The following ARHGAP12 variants were observed in gnomAD, a reference collection of about 807,000 sequenced individuals.
ARHGAP12 encodes the protein Rho GTPase activating protein 12, also known as rho GTPase-activating protein 12.
A neutral mutation model predicts 108.6 loss-of-function variants in ARHGAP12; 64 were observed. That is an observed-to-expected ratio of 0.59 (90% CI 0.48 to 0.73). ARHGAP12 has a LOEUF of 0.73. Ranked by LOEUF, ARHGAP12 falls within the 30% of genes least tolerant of loss-of-function variation. ARHGAP12 has a pLI of 0.00. For synonymous variants in ARHGAP12, 312 were observed against 337.2 expected, an observed-to-expected ratio of 0.93 and a Z score of 0.82; for missense variants, 940 against 1,005.9, an observed-to-expected ratio of 0.93 and a Z score of 0.89.
intron 3 of ARHGAP12, among the ~76,000 whole-genome samples, chr10:31,895,987 G>A (rs962864191): frequency 1.3e-5 from 2 of 151,730 alleles, no homozygotes; most frequent in Non-Finnish European, 2.9e-5. Flanking sequence ...ACTATCGCAA[G>A]CACAAAAAAC....
Position 31,807,915 on chromosome 10 carries a change from T to A in ARHGAP12, c.2367-83A>T, listed in dbSNP as rs779095272. On this transcript the variant is annotated intron_variant, in intron 19 of 19. Coordinates refer to ENST00000344936, the MANE Select transcript of ARHGAP12 (RefSeq NM_018287.7). ...AAATGGTATTATAAACCTAACAGTTTGCATTTTAAAAAGAGAAGTAATACT... is the reference window on the plus strand; with the variant it reads ...AAATGGTATTATAAACCTAACAGTTAGCATTTTAAAAAGAGAAGTAATACT... The A allele has an allele frequency of 1.1e-3, 1,236 of 1,086,030 alleles. 5 individuals carry two copies. The highest frequency in any genetic ancestry group is 1.1e-3 in the Non-Finnish European group (847 of 801,274). 67.3% of individuals were successfully genotyped at this position (1,086,030 alleles called of 1,614,324 possible). A position where few individuals can be genotyped will look rare whatever the true frequency, so the allele number is the denominator to read the frequency against.
At chr10:31,848,791 G>A (rs56408600) in intron 6 of ARHGAP12, among the ~76,000 whole-genome samples, 36,263 of 151,820 alleles carry the variant, frequency 0.24, 4,595 homozygotes, top group Non-Finnish European at 0.29. Context: ...CATTACTTTC[G>A]GCTAGGCGCG....
chr10:31,844,739 C>T (rs7091876), intron 6 of ARHGAP12, among the ~76,000 whole-genome samples: 13,519 of 150,656 alleles, frequency 0.09, 735 homozygotes, highest in Non-Finnish European at 0.12. Flanking sequence ...TCCCTAACCC[C>T]ATTGATTTGT....
intron 3 of ARHGAP12, among the ~76,000 whole-genome samples, chr10:31,881,190 T>G (rs1837942262): frequency 6.6e-6 from 1 of 151,844 alleles, no homozygotes; most frequent in Non-Finnish European, 1.5e-5. Context: ...CCACATCAGT[T>G]TTCCATCAGA....
At chr10:31,914,710 C>T (rs1839484851) in intron 1 of ARHGAP12, among the ~76,000 whole-genome samples, 1 of 152,028 alleles carries the variant, frequency 6.6e-6, no homozygotes, top group African/African-American at 2.4e-5. Flanking sequence ...ATTAGTATTG[C>T]CATAATGGAA....
intron 16 of ARHGAP12, among the ~76,000 whole-genome samples, chr10:31,810,244 C>T (rs762448677): frequency 2.0e-5 from 3 of 152,012 alleles, no homozygotes; most frequent in Non-Finnish European, 4.4e-5. Context: ...TTGACTTAAC[C>T]ATTTAAAATG....
At position 31,841,825 on chromosome 10, in the gene ARHGAP12, C is replaced by T. The variant is rs528319074; in HGVS notation, c.1296+1636G>A. On this transcript the variant is annotated intron_variant, in intron 7 of 19. Transcript: ENST00000344936. ...GTGATTACAATTCAGGTTATACACA[C>T]TTCATCCCTTATCACATATTAGCTA... Among the ~76,000 whole-genome samples the T allele has an allele frequency of 7.2e-5, 11 of 152,260 alleles. No individual in the cohort carries two copies. The South Asian group carries it at 2.3e-3, about 32-fold the overall frequency.
rs1360439689 is a variant in ARHGAP12, at chr10:31,908,654, A to T, written c.202T>A (p.Tyr68Asn). ...NSKAFYVPAQ[Y>N]VKEVTRKALM... ...GCTTTGCGCGTGACCTCCTTCACAT[A>T]CTGGGCTGGCACATAAAACGCTTTG... Residue 68 changes from tyrosine (Y) to asparagine (N), a missense_variant, in exon 3 of 20, where the codon TAT becomes AAT. Physicochemically the swap from Tyr to Asn is moderately radical, Grantham distance 143. Transcript: ENST00000344936. The T allele has an allele frequency of 6.2e-7, 1 of 1,614,140 alleles. No homozygotes were observed.
At chr10:31,919,811 AAAAAAAC>A (rs1202006942) in intron 1 of ARHGAP12, among the ~76,000 whole-genome samples, 1 of 143,060 alleles carries the variant, frequency 7.0e-6, no homozygotes, top group Non-Finnish European at 1.5e-5. Flanking sequence ...AACAAAACCA[AAAAAAAC>A]AAAAAACAAG....
Position 31,854,067 on chromosome 10 carries a change from T to G in ARHGAP12, c.1088A>C (p.Lys363Thr), listed in dbSNP as rs1296530538. 1 of 1,601,882 alleles carries G rather than the reference T, an allele frequency of 6.2e-7. No homozygotes were observed. The highest frequency in any genetic ancestry group is 1.8e-5 in the Admixed American group (1 of 57,062). The change falls in exon 5 of 20, where the codon AAG becomes ACG. Residue 363 changes from lysine to threonine, a missense_variant and splice_region_variant. Coordinates refer to ENST00000344936, the MANE Select transcript of ARHGAP12 (RefSeq NM_018287.7). ...TLYTSDYTNE[K>T]WLKHVDDQGR... is the part of the protein sequence containing the mutation. ...CTAGATGAGAAAAAAAGAATGTACC[T>G]TTTCATTAGTATAGTCACTGGTATA...
At chr10:31,920,515 T>G (rs1839758794) in intron 1 of ARHGAP12, among the ~76,000 whole-genome samples, 1 of 146,532 alleles carries the variant, frequency 6.8e-6, no homozygotes, top group Non-Finnish European at 1.5e-5. Flanking sequence ...AATGATGAAC[T>G]ATTACCAATC....
At chr10:31,925,813 T>C (rs964724167) in intron 1 of ARHGAP12, among the ~76,000 whole-genome samples, 10 of 152,194 alleles carry the variant, frequency 6.6e-5, no homozygotes, top group South Asian at 2.1e-4. Context: ...CTAATGCAAA[T>C]TGAGAAATGC....
intron 10 of ARHGAP12, among the ~76,000 whole-genome samples, chr10:31,830,497 C>T (rs1835792749): frequency 6.6e-6 from 1 of 152,028 alleles, no homozygotes; most frequent in South Asian, 2.1e-4. Context: ...ACTCAATTCA[C>T]AACTGAATTC....
At chr10:31,835,594 T>C (rs1166560511) in intron 9 of ARHGAP12, among the ~76,000 whole-genome samples, 2 of 152,260 alleles carry the variant, frequency 1.3e-5, no homozygotes, top group East Asian at 1.9e-4. Flanking sequence ...CTAATTGATG[T>C]TGCATTCTTT....
At chr10:31,867,541 G>A (rs1022934633) in intron 3 of ARHGAP12, among the ~76,000 whole-genome samples, 4 of 152,152 alleles carry the variant, frequency 2.6e-5, no homozygotes, top group African/African-American at 9.7e-5. Context: ...ATAATGCACT[G>A]TCTTTTCTAG....
intron 11 of ARHGAP12, among the ~76,000 whole-genome samples, chr10:31,822,810 C>T (rs1415891637): frequency 6.6e-6 from 1 of 151,946 alleles, no homozygotes; most frequent in Non-Finnish European, 1.5e-5. Context: ...CTCTAGGAGA[C>T]AGGGAATTTT....
chr10:31,824,281 G>A (rs1835520316), intron 11 of ARHGAP12, among the ~76,000 whole-genome samples: 1 of 152,076 alleles, frequency 6.6e-6, no homozygotes, highest in East Asian at 1.9e-4. Context: ...ACTATAAAAT[G>A]GTGTGGTTAT....
At chr10:31,810,012 G>A (rs1176374047) in intron 16 of ARHGAP12, among the ~76,000 whole-genome samples, 2 of 152,116 alleles carry the variant, frequency 1.3e-5, no homozygotes, top group African/African-American at 4.8e-5. Context: ...AGTGGGACAA[G>A]AGATCTGTAA....
At chr10:31,867,024 A>C (rs114948326) in intron 3 of ARHGAP12, among the ~76,000 whole-genome samples, 2,329 of 152,302 alleles carry the variant, frequency 0.015, 68 homozygotes, top group African/African-American at 0.051. Flanking sequence ...CTTAACAGTA[A>C]TTCTAAGTAG....
Sources: gnomAD v4.1 joint callset for allele counts (sites outside exome capture counted in the v4.1 genomes callset) on GRCh38, gnomAD v4.1.1 for gene constraint, MANE v1.5 for transcripts, NCBI Gene and HGNC (gene_info 2026-07-23, HGNC 2026-07-21) for gene names.